The following SLC35F1 variants were observed in gnomAD, a reference collection of about 807,000 sequenced individuals.
SLC35F1 encodes solute carrier family 35 member F1, also known as chromosome 6 open reading frame 169.
Under a neutral mutation model 48.7 loss-of-function variants are expected in SLC35F1, and 14 were observed. That is an observed-to-expected ratio of 0.29 (90% CI 0.19 to 0.45). SLC35F1 has a LOEUF of 0.45. SLC35F1 is among the 20% of genes least tolerant of loss of function. The pLI, the probability that SLC35F1 is intolerant of heterozygous loss-of-function variation, is 1.00. For missense variants in SLC35F1, 404 were observed against 500.0 expected (o/e 0.81, Z 1.83); for synonymous variants, 190 against 202.2 (o/e 0.94, Z 0.51).
At chr6:118,127,872 C>A (rs1253254892) in intron 1 of SLC35F1, among the ~76,000 whole-genome samples, 1 of 151,566 alleles carries the variant, frequency 6.6e-6, no homozygotes, top group Admixed American at 6.6e-5. Flanking sequence ...AGTGAACAGG[C>A]AACCTACAAA....
At chr6:118,001,904 C>T (rs2114868154) in intron 1 of SLC35F1, among the ~76,000 whole-genome samples, 1 of 150,842 alleles carries the variant, frequency 6.6e-6, no homozygotes, top group Admixed American at 6.6e-5. Flanking sequence ...CAATGAGATA[C>T]CATCTCACAC....
intron 1 of SLC35F1, among the ~76,000 whole-genome samples, chr6:118,118,265 G>A (rs1773500581): frequency 6.6e-6 from 1 of 152,058 alleles, no homozygotes; most frequent in Admixed American, 6.6e-5. Context: ...AGCCATTCTA[G>A]TGGGGATACA....
intron 7 of SLC35F1, among the ~76,000 whole-genome samples, chr6:118,290,300 T>C (rs1041477751): frequency 6.6e-6 from 1 of 152,086 alleles, no homozygotes; most frequent in Non-Finnish European, 1.5e-5. Flanking sequence ...AATTAGAGAA[T>C]TCTACTGACC....
At chr6:118,143,031 G>A (rs987652392) in intron 1 of SLC35F1, among the ~76,000 whole-genome samples, 3 of 152,086 alleles carry the variant, frequency 2.0e-5, no homozygotes, top group African/African-American at 7.2e-5. Context: ...TTTCAAGCAG[G>A]TTTTAATTAT....
chr6:117,927,685 A>G (rs1174166664), intron 1 of SLC35F1, among the ~76,000 whole-genome samples: 1 of 152,170 alleles, frequency 6.6e-6, no homozygotes, highest in Non-Finnish European at 1.5e-5. Context: ...TGCCTGCCAT[A>G]TGGTAGATAT....
intron 1 of SLC35F1, among the ~76,000 whole-genome samples, chr6:117,988,969 A>C (rs764749033): frequency 6.6e-6 from 1 of 152,190 alleles, no homozygotes; most frequent in Non-Finnish European, 1.5e-5. Flanking sequence ...AAACAGTCCT[A>C]CTTTGTAAGT....
rs1488214501 is a variant in SLC35F1 at position 118,285,172 on chromosome 6, C to T, written c.848-12C>T. On this transcript the variant is annotated splice_polypyrimidine_tract_variant and intron_variant, in intron 6 of 7. Coordinates refer to ENST00000360388, the MANE Select transcript of SLC35F1 (RefSeq NM_001029858.4). ...AGGCCCTGACGCTGCCTTCTCTTTACTCTTCCCCCAGGACTGCTCTACGTT... is the reference window on the plus strand; with the variant it reads ...AGGCCCTGACGCTGCCTTCTCTTTATTCTTCCCCCAGGACTGCTCTACGTT... The T allele has an allele frequency of 6.2e-7, 1 of 1,611,904 alleles. No individual in the cohort carries two copies. Among genetic ancestry groups the T allele is most frequent in the Non-Finnish European group, 8.5e-7 (1 of 1,178,348 alleles).
At chr6:117,966,974 G>C (rs1294701241) in intron 1 of SLC35F1, among the ~76,000 whole-genome samples, 1 of 152,150 alleles carries the variant, frequency 6.6e-6, no homozygotes, top group African/African-American at 2.4e-5. Context: ...CTTCTCTTTA[G>C]AAACTTTGAT....
At chr6:118,181,463 C>T (rs904257715) in intron 2 of SLC35F1, among the ~76,000 whole-genome samples, 1 of 151,818 alleles carries the variant, frequency 6.6e-6, no homozygotes, top group African/African-American at 2.4e-5. Flanking sequence ...TAATTTAAAA[C>T]CTATTAGAGG....
chr6:118,269,629 CT>C (rs375557935), intron 4 of SLC35F1, among the ~76,000 whole-genome samples: 3,101 of 151,992 alleles, frequency 0.02, 62 homozygotes, highest in Middle Eastern at 0.058. Flanking sequence ...AAAAATATTC[CT>C]TTTTTTTCAT....
At chr6:118,097,762 A>G (rs962065177) in intron 1 of SLC35F1, among the ~76,000 whole-genome samples, 3 of 152,238 alleles carry the variant, frequency 2.0e-5, no homozygotes, top group African/African-American at 7.2e-5. Context: ...ACAAAGTACT[A>G]TCCTAGTCCG....
intron 2 of SLC35F1, among the ~76,000 whole-genome samples, chr6:118,175,489 C>G (rs546970038): frequency 8.0e-4 from 121 of 152,082 alleles, no homozygotes; most frequent in Non-Finnish European, 1.0e-3. Flanking sequence ...AACTTTCTAA[C>G]CAATTTACCA....
At chr6:117,961,164 C>T (rs538091836) in intron 1 of SLC35F1, among the ~76,000 whole-genome samples, 26 of 152,208 alleles carry the variant, frequency 1.7e-4, no homozygotes, top group Admixed American at 3.3e-4. Flanking sequence ...GGCAGTTGCT[C>T]ATTTACAATG....
chr6:118,133,570 G>A (rs1562299929), intron 1 of SLC35F1, among the ~76,000 whole-genome samples: 1 of 152,144 alleles, frequency 6.6e-6, no homozygotes, highest in Non-Finnish European at 1.5e-5. Flanking sequence ...AATTTCCAGA[G>A]AGAAGAACAT....
intron 2 of SLC35F1, among the ~76,000 whole-genome samples, chr6:118,226,507 A>AG (rs1562331489): frequency 1.1e-3 from 104 of 92,172 alleles, no homozygotes; most frequent in African/African-American, 3.6e-3. Flanking sequence ...CACACACACA[A>AG]TGGAATATTA....
chr6:117,944,686 A>G (rs1033663225), intron 1 of SLC35F1, among the ~76,000 whole-genome samples: 4 of 152,096 alleles, frequency 2.6e-5, no homozygotes, highest in Admixed American at 1.3e-4. Context: ...TTACTTTACT[A>G]CCATCCCTAT....
At chr6:118,208,277 G>A (rs1774963059) in intron 2 of SLC35F1, among the ~76,000 whole-genome samples, 1 of 152,196 alleles carries the variant, frequency 6.6e-6, no homozygotes, top group Admixed American at 6.5e-5. Context: ...TAGCCAGGTT[G>A]TGATGAGATC....
chr6:118,287,602 T>C (rs1269960537), intron 7 of SLC35F1, among the ~76,000 whole-genome samples: 1 of 152,166 alleles, frequency 6.6e-6, no homozygotes, highest in African/African-American at 2.4e-5. Context: ...TATCTGGAGA[T>C]GTGTCTGGGG....
At chr6:118,102,873 G>A (rs1035286268) in intron 1 of SLC35F1, among the ~76,000 whole-genome samples, 1 of 152,200 alleles carries the variant, frequency 6.6e-6, no homozygotes, top group African/African-American at 2.4e-5. Flanking sequence ...ATGATATCAT[G>A]AAGCTAGTGG....
Sources: gnomAD v4.1 joint callset for allele counts (sites outside exome capture counted in the v4.1 genomes callset) on GRCh38, gnomAD v4.1.1 for gene constraint, MANE v1.5 for transcripts, NCBI Gene and HGNC (gene_info 2026-07-23, HGNC 2026-07-21) for gene names.